SCFD2: variants seen among roughly 807,000 people sequenced by gnomAD.
The protein encoded by SCFD2 is sec1 family domain-containing protein 2.
In SCFD2, 54 loss-of-function variants were observed where a neutral mutation model predicts 58.9. The observed-to-expected ratio is 0.92, with a 90% CI of 0.74 to 1.15. The LOEUF (loss-of-function observed/expected upper bound fraction) is 1.15. SCFD2 is among the 50% of genes most tolerant of loss of function. The probability of loss-of-function intolerance (pLI) is 0.00; values close to 1 mark genes in which losing one functional copy is unlikely to be tolerated. For synonymous variants in SCFD2, 321 were observed against 335.9 expected (o/e 0.96, Z 0.49); for missense variants, 805 against 836.6 (o/e 0.96, Z 0.47).
intron 4 of SCFD2, among the ~76,000 whole-genome samples, chr4:53,181,355 A>C (rs1429013927): frequency 6.6e-6 from 1 of 152,130 alleles, no homozygotes; most frequent in Non-Finnish European, 1.5e-5. Flanking sequence ...TTCAACATAC[A>C]CAAATCAATA....
chr4:53,056,568 A>G (rs1723346370), intron 5 of SCFD2, among the ~76,000 whole-genome samples: 1 of 152,202 alleles, frequency 6.6e-6, no homozygotes, highest in Non-Finnish European at 1.5e-5. Context: ...AGATTACAAA[A>G]TCATACATGA....
chr4:52,958,685 C>G (rs541876089), intron 5 of SCFD2, among the ~76,000 whole-genome samples: 2 of 152,278 alleles, frequency 1.3e-5, no homozygotes, highest in Non-Finnish European at 2.9e-5. Flanking sequence ...ATCAGCCACC[C>G]ATGGCCAGAA....
rs1718394753 is a variant in SCFD2, at chr4:52,873,390, G to A, written c.*579C>T. ...AACAATGCAGTCCTTTGTTATGGCAGGATGATTTACAACACATGCAGGCTA... is the reference window on the plus strand; with the variant it reads ...AACAATGCAGTCCTTTGTTATGGCAAGATGATTTACAACACATGCAGGCTA... On this transcript the variant is annotated 3_prime_UTR_variant, in exon 9 of 9. Transcript: ENST00000401642. The A allele has an allele frequency of 6.6e-6, 1 of 152,544 alleles. No homozygotes were observed. The highest frequency in any genetic ancestry group is 2.4e-5 in the African/African-American group (1 of 41,456). The allele number at this position is 152,544 out of a possible 1,614,324, so 9.4% of individuals were successfully genotyped here.
At chr4:53,237,488 C>T (rs1341386187) in intron 4 of SCFD2, among the ~76,000 whole-genome samples, 1 of 9,834 alleles carries the variant, frequency 1.0e-4, no homozygotes, top group African/African-American at 3.8e-4. Context: ...CCCCACCTCC[C>T]TCCCGGACGG....
At chr4:53,127,109 AACACAAAG>A (rs756830155) in intron 5 of SCFD2, among the ~76,000 whole-genome samples, 1 of 152,214 alleles carries the variant, frequency 6.6e-6, no homozygotes, top group Non-Finnish European at 1.5e-5. Context: ...AAAATATTAA[AACACAAAG>A]CAACATTTCC....
intron 2 of SCFD2, among the ~76,000 whole-genome samples, chr4:53,339,444 A>G (rs1476785588): frequency 6.6e-6 from 1 of 151,828 alleles, no homozygotes; most frequent in Non-Finnish European, 1.5e-5. Context: ...TAGTGTAACT[A>G]CTGAAAAAAC....
intron 5 of SCFD2, among the ~76,000 whole-genome samples, chr4:53,009,755 C>T (rs1428711734): frequency 6.6e-6 from 1 of 152,190 alleles, no homozygotes; most frequent in Non-Finnish European, 1.5e-5. Flanking sequence ...CCCACTATCA[C>T]CCCCTGCTTC....
chr4:53,295,560 AT>A (rs1731998341), intron 3 of SCFD2, among the ~76,000 whole-genome samples: 1 of 152,160 alleles, frequency 6.6e-6, no homozygotes, highest in Non-Finnish European at 1.5e-5. Flanking sequence ...GGTTTTCTAA[AT>A]ATACAATCAT....
At chr4:53,142,556 T>C (rs1291947734) in intron 5 of SCFD2, among the ~76,000 whole-genome samples, 2 of 152,238 alleles carry the variant, frequency 1.3e-5, no homozygotes, top group Non-Finnish European at 2.9e-5. Flanking sequence ...CAGGCTAACC[T>C]AGTTCCAGCA....
At chr4:52,917,250 G>A (rs534454625) in intron 6 of SCFD2, among the ~76,000 whole-genome samples, 1 of 152,238 alleles carries the variant, frequency 6.6e-6, no homozygotes, top group East Asian at 1.9e-4. Flanking sequence ...AATCATTAGA[G>A]CATTTTTATG....
intron 4 of SCFD2, among the ~76,000 whole-genome samples, chr4:53,187,151 G>A (rs1266705686): frequency 6.6e-6 from 1 of 151,906 alleles, no homozygotes; most frequent in Non-Finnish European, 1.5e-5. Context: ...AAGGAAAGCC[G>A]AGCTCAGCAT....
chr4:53,339,729 C>A (rs1303842946), intron 2 of SCFD2, among the ~76,000 whole-genome samples: 1 of 151,628 alleles, frequency 6.6e-6, no homozygotes, highest in East Asian at 1.9e-4. Context: ...AAGATTGCAC[C>A]ACTGCACTCC....
At chr4:53,088,666 A>G (rs182320409) in intron 5 of SCFD2, among the ~76,000 whole-genome samples, 1 of 152,302 alleles carries the variant, frequency 6.6e-6, no homozygotes, top group African/African-American at 2.4e-5. Context: ...AATTTGCCTC[A>G]AGATGAATCA....
Position 53,151,179 on chromosome 4 carries a change from C to T in SCFD2, c.1312-5597G>A, listed in dbSNP as rs536158592. On this transcript the variant is annotated intron_variant, in intron 4 of 8. Transcript: ENST00000401642. ...GAAATCACATCTTGGAACTTAACTA[C>T]AACAGTCAGTGAAAGGTCAAAGGCA... 5.3e-5 allele frequency among the ~76,000 whole-genome samples: 8 copies of T among 152,240 alleles called. No individual in the cohort carries two copies. The South Asian group carries it at 1.7e-3, about 32-fold the overall frequency.
intron 3 of SCFD2, among the ~76,000 whole-genome samples, chr4:53,288,503 A>G (rs1488818230): frequency 6.6e-5 from 10 of 152,212 alleles, no homozygotes; most frequent in African/African-American, 1.7e-4. Flanking sequence ...ATCAAGTGAC[A>G]TACAAGGGAA....
At chr4:53,082,101 C>T (rs1380119444) in intron 5 of SCFD2, among the ~76,000 whole-genome samples, 1 of 152,144 alleles carries the variant, frequency 6.6e-6, no homozygotes, top group Non-Finnish European at 1.5e-5. Context: ...TCATCAGTTG[C>T]TGAACATCTG....
chr4:53,084,306 T>C (rs1168283694), intron 5 of SCFD2, among the ~76,000 whole-genome samples: 2 of 152,152 alleles, frequency 1.3e-5, no homozygotes, highest in Non-Finnish European at 2.9e-5. Flanking sequence ...CGCATGTCTG[T>C]TTATAGGCTC....
At chr4:52,938,775 C>A (rs1047579500) in intron 5 of SCFD2, among the ~76,000 whole-genome samples, 5 of 152,106 alleles carry the variant, frequency 3.3e-5, no homozygotes, top group Non-Finnish European at 7.4e-5. Context: ...ATTAAAGTAA[C>A]CTAAATGAAT....
At chr4:53,233,981 C>G (rs1159387835) in intron 4 of SCFD2, among the ~76,000 whole-genome samples, 2 of 152,088 alleles carry the variant, frequency 1.3e-5, no homozygotes, top group African/African-American at 2.4e-5. Flanking sequence ...AATCCCAGTA[C>G]TCATAAAAAA....
Sources: allele counts gnomAD v4.1 joint callset (sites outside exome capture counted in the v4.1 genomes callset), GRCh38; gene constraint gnomAD v4.1.1; transcripts MANE v1.5; gene names NCBI Gene and HGNC (gene_info 2026-07-23, HGNC 2026-07-21).